Variants in CCDC91 observed in about 807,000 individuals in gnomAD.
CCDC91 encodes the protein coiled-coil domain-containing protein 91.
In CCDC91, 48 loss-of-function variants were observed where a neutral mutation model predicts 63.2. The ratio of observed to expected loss-of-function variants is 0.76; its 90% CI spans 0.60 to 0.97. CCDC91 has a LOEUF of 0.97. Ranked by LOEUF, CCDC91 falls within the 50% of genes least tolerant of loss-of-function variation. The pLI, the probability that CCDC91 is intolerant of heterozygous loss-of-function variation, is 0.00. For synonymous variants in CCDC91, 167 were observed against 165.8 expected, an observed-to-expected ratio of 1.01 and a Z score of -0.06; for missense variants, 500 against 494.6, an observed-to-expected ratio of 1.01 and a Z score of -0.10.
intron 3 of CCDC91, among the ~76,000 whole-genome samples, chr12:28,300,794 G>GT (rs1166303333): frequency 6.6e-6 from 1 of 151,500 alleles, no homozygotes; most frequent in Non-Finnish European, 1.5e-5. Context: ...TTTCAGGAGT[G>GT]TTTTAAAGTT....
Position 28,495,366 on chromosome 12 carries a change from A to T in CCDC91, c.1215+11201A>T, listed in dbSNP as rs1192128686. Among the ~76,000 whole-genome samples, 3 of 151,784 alleles carry T rather than the reference A, an allele frequency of 2.0e-5. No homozygotes were observed. In the East Asian group the frequency reaches 5.8e-4, roughly 30 times the overall value. ...ATAATTTTAAGTTGGACTTTTTTGG[A>T]TGCCTATCAGTTTTGTTCATATGAT... On this transcript the variant is annotated intron_variant, in intron 12 of 12. Transcript: ENST00000536442.
rs1182056069 is a variant in CCDC91 at position 28,487,521 on chromosome 12, ATCT to A, written c.1215+3361_1215+3363del. ...ACAAAAGTTTTTTAGCAAATTCATA[ATCT>A]TCTTGTCTGTTTCCAAAAGACTGAA... is the stretch of plus-strand genomic sequence containing the variant. On this transcript the variant is annotated intron_variant, in intron 12 of 12. Transcript: ENST00000536442. Among the ~76,000 whole-genome samples, 6 of 151,812 alleles carry A rather than the reference ATCT, an allele frequency of 4.0e-5. No individual in the cohort carries two copies. In the East Asian group the frequency reaches 7.7e-4, roughly 19 times the overall value.
intron 12 of CCDC91, among the ~76,000 whole-genome samples, chr12:28,533,203 A>G (rs1163049465): frequency 2.6e-5 from 4 of 152,112 alleles, no homozygotes; most frequent in Non-Finnish European, 4.4e-5. Context: ...AGAAGCTTTA[A>G]TCAAGTTGCT....
At chr12:28,515,484 T>C (rs1939844033) in intron 12 of CCDC91, among the ~76,000 whole-genome samples, 1 of 151,930 alleles carries the variant, frequency 6.6e-6, no homozygotes, top group Non-Finnish European at 1.5e-5. Flanking sequence ...TTTTGCTAAC[T>C]CTTTAGTTAA....
chr12:28,476,177 T>C (rs910020853), intron 11 of CCDC91, among the ~76,000 whole-genome samples: 17 of 152,132 alleles, frequency 1.1e-4, no homozygotes, highest in African/African-American at 4.1e-4. Flanking sequence ...TACATTCTTC[T>C]CAGCACCACA....
intron 12 of CCDC91, among the ~76,000 whole-genome samples, chr12:28,505,793 G>C (rs982506550): frequency 6.6e-6 from 1 of 151,912 alleles, no homozygotes; most frequent in Non-Finnish European, 1.5e-5. Context: ...GTGGACTCAG[G>C]CAATCAAACA....
chr12:28,440,146 G>A (rs1949109717), intron 8 of CCDC91, among the ~76,000 whole-genome samples: 2 of 152,198 alleles, frequency 1.3e-5, no homozygotes, highest in African/African-American at 2.4e-5. Flanking sequence ...GTTAACCAGA[G>A]CAATCAGGGT....
At chr12:28,508,619 C>T (rs112803324) in intron 12 of CCDC91, among the ~76,000 whole-genome samples, 24 of 151,944 alleles carry the variant, frequency 1.6e-4, no homozygotes, top group African/African-American at 4.8e-4. Flanking sequence ...CCCTGTATAG[C>T]GTTCTTGACA....
intron 8 of CCDC91, among the ~76,000 whole-genome samples, chr12:28,428,065 A>G (rs781164745): frequency 2.0e-5 from 3 of 152,182 alleles, no homozygotes; most frequent in East Asian, 1.9e-4. Flanking sequence ...ACTTCTGAAT[A>G]CAATTGTTAT....
intron 12 of CCDC91, among the ~76,000 whole-genome samples, chr12:28,524,163 A>G (rs1250822660): frequency 6.6e-6 from 1 of 152,088 alleles, no homozygotes; most frequent in African/African-American, 2.4e-5. Context: ...TACTATGTTG[A>G]AGAGGAGTAG....
intron 6 of CCDC91, among the ~76,000 whole-genome samples, chr12:28,331,081 G>A (rs199636011): frequency 7.2e-5 from 11 of 152,238 alleles, no homozygotes; most frequent in Middle Eastern, 3.4e-3. Flanking sequence ...TAAGACAAAG[G>A]CATCTGTTAA....
At chr12:28,293,747 G>T (rs1254212839) in intron 3 of CCDC91, among the ~76,000 whole-genome samples, 1 of 150,888 alleles carries the variant, frequency 6.6e-6, no homozygotes. Flanking sequence ...TTTATTCCAG[G>T]AGATGGGGTC....
intron 12 of CCDC91, among the ~76,000 whole-genome samples, chr12:28,487,858 A>G (rs1306712204): frequency 6.6e-6 from 1 of 151,870 alleles, no homozygotes; most frequent in Non-Finnish European, 1.5e-5. Context: ...TTCATTAGAC[A>G]TCATCATACT....
At chr12:28,306,715 G>A (rs766417653) in intron 4 of CCDC91, 27 bp from the exon 5 acceptor site, 1 of 1,472,872 alleles carries the variant, frequency 6.8e-7, no homozygotes, top group South Asian at 1.2e-5. Context: ...TTCCTCTCTT[G>A]TGTATTTTTT....
chr12:28,524,947 C>T (rs1457723258), intron 12 of CCDC91, among the ~76,000 whole-genome samples: 1 of 152,082 alleles, frequency 6.6e-6, no homozygotes, highest in African/African-American at 2.4e-5. Flanking sequence ...GTAATATCTC[C>T]CATTTCATTT....
chr12:28,224,516 T>G (rs1330224083), intron 1 of CCDC91, among the ~76,000 whole-genome samples: 1 of 152,178 alleles, frequency 6.6e-6, no homozygotes, highest in Non-Finnish European at 1.5e-5. Flanking sequence ...GCTTTTTCAT[T>G]GTGCTTTGAT....
At chr12:28,396,054 G>A (rs1565907573) in intron 8 of CCDC91, among the ~76,000 whole-genome samples, 2 of 152,112 alleles carry the variant, frequency 1.3e-5, no homozygotes, top group Non-Finnish European at 2.9e-5. Context: ...AATCATATAA[G>A]TTAGGATGGA....
chr12:28,549,034 T>TAC (rs772894925), intron 12 of CCDC91, 29 bp from the exon 13 acceptor site: 12 of 1,445,836 alleles, frequency 8.3e-6, no homozygotes, highest in Admixed American at 5.2e-5. Flanking sequence ...TTTTTTCTCT[T>TAC]TCTCTCTCTC....
chr12:28,269,090 C>T (rs1010062103), intron 3 of CCDC91, among the ~76,000 whole-genome samples: 17 of 152,150 alleles, frequency 1.1e-4, no homozygotes, highest in African/African-American at 4.1e-4. Flanking sequence ...CTTGATGTCT[C>T]TGTACTGATG....
Sources: gnomAD v4.1 joint callset for allele counts (sites outside exome capture counted in the v4.1 genomes callset) on GRCh38, gnomAD v4.1.1 for gene constraint, MANE v1.5 for transcripts, NCBI Gene and HGNC (gene_info 2026-07-23, HGNC 2026-07-21) for gene names.